Variants in NFATC1 observed in about 807,000 individuals in gnomAD.
NFATC1 encodes the protein nuclear factor of activated T cells 1.
A neutral mutation model predicts 76.0 loss-of-function variants in NFATC1; 22 were observed. The observed-to-expected ratio is 0.29, with a 90% CI of 0.21 to 0.41. The LOEUF (loss-of-function observed/expected upper bound fraction) is 0.41. Ranked by LOEUF, NFATC1 falls within the 10% of genes least tolerant of loss-of-function variation. NFATC1 has a pLI of 1.00. For missense variants in NFATC1, 1,357 were observed against 1,337.7 expected, an observed-to-expected ratio of 1.01 and a Z score of -0.23; for synonymous variants, 704 against 613.1, an observed-to-expected ratio of 1.15 and a Z score of -2.19.
chr18:79,472,113 C>T (rs1475857671), intron 8 of NFATC1, among the ~76,000 whole-genome samples: 1 of 151,886 alleles, frequency 6.6e-6, no homozygotes, highest in Admixed American at 6.6e-5. Context: ...TCCACCCCAG[C>T]GATCATCACG....
chr18:79,401,303 C>G (rs2085244535), intron 1 of NFATC1, among the ~76,000 whole-genome samples: 1 of 152,108 alleles, frequency 6.6e-6, no homozygotes. Context: ...AAGCAGGGAC[C>G]TCCGCCGAGT....
intron 9 of NFATC1, chr18:79,496,578 C>G (rs1299603832): frequency 1.3e-5 from 2 of 152,292 alleles, no homozygotes; most frequent in Non-Finnish European, 2.9e-5. Flanking sequence ...CGTTTCTGCG[C>G]ATGGACTCCT....
At chr18:79,518,248 G>A (rs1285946366) in intron 9 of NFATC1, among the ~76,000 whole-genome samples, 7 of 152,208 alleles carry the variant, frequency 4.6e-5, no homozygotes, top group East Asian at 1.9e-4. Flanking sequence ...TTTCCCGGTC[G>A]ACATTCATGG....
intron 8 of NFATC1, 137 bp from the exon 9 acceptor site, chr18:79,486,104 TAATGGGG>T: frequency 1.4e-6 from 1 of 717,430 alleles, no homozygotes; most frequent in Non-Finnish European, 2.4e-6. Flanking sequence ...CTTTTTTTTT[TAATGGGG>T]TGGGAGAACC....
At chr18:79,454,737 G>A (rs1456419123) in intron 6 of NFATC1, among the ~76,000 whole-genome samples, 1 of 152,142 alleles carries the variant, frequency 6.6e-6, no homozygotes, top group Non-Finnish European at 1.5e-5. Flanking sequence ...TGTTCTTCCA[G>A]GAGGCAGGTT....
chr18:79,459,240 C>T lies in NFATC1; in HGVS notation c.1904-2071C>T, dbSNP rs374355617. ...CTGCTGAGCTGGGCCTGGCTGGCCA[C>T]GCAGACGTGGCTCCCCTTGGGGCCG... On this transcript the variant is annotated intron_variant, in intron 6 of 9. Transcript: ENST00000427363. 2.2e-4 allele frequency among the ~76,000 whole-genome samples: 34 copies of T among 152,370 alleles called. No homozygotes were observed. In the East Asian group the frequency reaches 6.0e-3, roughly 27 times the overall value.
intron 9 of NFATC1, among the ~76,000 whole-genome samples, chr18:79,487,817 G>T (rs753903708): frequency 2.0e-5 from 3 of 152,138 alleles, no homozygotes; most frequent in Non-Finnish European, 4.4e-5. Flanking sequence ...TTGTGTGCGC[G>T]TTGTGATCGG....
At chr18:79,517,531 A>G (rs921342225) in intron 9 of NFATC1, among the ~76,000 whole-genome samples, 5 of 152,214 alleles carry the variant, frequency 3.3e-5, no homozygotes, top group Non-Finnish European at 7.3e-5. Flanking sequence ...GGACGCTGCG[A>G]CAGGAAGAGG....
intron 2 of NFATC1, among the ~76,000 whole-genome samples, chr18:79,425,289 C>T (rs1232997464): frequency 8.3e-6 from 1 of 120,746 alleles, no homozygotes; most frequent in Non-Finnish European, 1.7e-5. Context: ...GTCTGTCTTT[C>T]TTTCTTACTC....
intron 9 of NFATC1, among the ~76,000 whole-genome samples, chr18:79,510,576 T>A (rs541220442): frequency 6.6e-6 from 1 of 152,364 alleles, no homozygotes; most frequent in South Asian, 2.1e-4. Context: ...GTCTCTCTTT[T>A]ATTTCAGCGG....
chr18:79,463,920 T>C (rs564327147), intron 7 of NFATC1, among the ~76,000 whole-genome samples: 22 of 152,370 alleles, frequency 1.4e-4, no homozygotes, highest in African/African-American at 4.3e-4. Context: ...GCCGTGAGCC[T>C]TTCTGCACTG....
At chr18:79,456,762 G>A (rs1419041150) in intron 6 of NFATC1, among the ~76,000 whole-genome samples, 1 of 152,216 alleles carries the variant, frequency 6.6e-6, no homozygotes, top group Admixed American at 6.5e-5. Context: ...AGTCGTGCGG[G>A]ATGTAGGCCG....
At chr18:79,512,776 C>A (rs2090288353) in intron 9 of NFATC1, among the ~76,000 whole-genome samples, 1 of 152,242 alleles carries the variant, frequency 6.6e-6, no homozygotes, top group South Asian at 2.1e-4. Context: ...TCATCCCACT[C>A]GAGCTCTCAG....
intron 9 of NFATC1, chr18:79,493,338 C>T (rs428324): frequency 0.46 from 69,498 of 152,204 alleles, 18,119 homozygotes; most frequent in Non-Finnish European, 0.59. Context: ...GCTCGGGGCC[C>T]GCTGCGGTGC....
rs1054806211 is a variant in NFATC1, at chr18:79,528,279, G to A, written c.*702G>A. On this transcript the variant is annotated 3_prime_UTR_variant, in exon 10 of 10. Coordinates refer to ENST00000427363, the MANE Select transcript of NFATC1 (RefSeq NM_001278669.2). ...GCATCTTTGTTTTTAATCTGGCTTC[G>A]AACATAGCACAAGTAACTTGAATAG... 5 of 214,320 alleles carry A rather than the reference G, an allele frequency of 2.3e-5. No homozygotes were observed. The highest frequency in any genetic ancestry group is 9.9e-5 in the East Asian group (1 of 10,128). The allele number at this position is 214,320 out of a possible 1,614,324, so 13.3% of individuals were successfully genotyped here. A position where few individuals can be genotyped will look rare whatever the true frequency, so the allele number is the denominator to read the frequency against.
chr18:79,481,289 G>A (rs2089262623), intron 8 of NFATC1, among the ~76,000 whole-genome samples: 1 of 152,246 alleles, frequency 6.6e-6, no homozygotes, highest in African/African-American at 2.4e-5. Flanking sequence ...AAGGCAAGAC[G>A]CGTGCCCTGG....
At position 79,464,668 on chromosome 18, in the gene NFATC1, G is replaced by A. The variant is rs866347673; in HGVS notation, c.1960-2782G>A. Among the ~76,000 whole-genome samples, 236 of 117,862 alleles carry A rather than the reference G, an allele frequency of 2.0e-3. 13 individuals are homozygous for A. Among genetic ancestry groups the A allele is most frequent in the African/African-American group, 7.3e-3 (193 of 26,432 alleles). The allele number at this position is 117,862 out of a possible 152,430, so 77.3% of individuals were successfully genotyped here. ...TGTGTTTGTGTGTGTGTGTGTGTGT[G>A]TGTATATGTATGTGTATATATATAT... On this transcript the variant is annotated intron_variant, in intron 7 of 9. Transcript: ENST00000427363.
chr18:79,411,581 G>A (rs1423921937), intron 2 of NFATC1, 80 bp downstream of exon 2: 12 of 1,071,330 alleles, frequency 1.1e-5, no homozygotes, highest in African/African-American at 5.1e-5. Context: ...GGGACGGGGG[G>A]CGGCGCGGGG....
chr18:79,487,066 G>A (rs2145066401), intron 9 of NFATC1, 129 bp downstream of exon 9: 1 of 1,109,272 alleles, frequency 9.0e-7, no homozygotes, highest in Admixed American at 2.9e-5. Flanking sequence ...AGGGTGTGGG[G>A]TGCGTCCTCC....
Sources: allele counts gnomAD v4.1 joint callset (sites outside exome capture counted in the v4.1 genomes callset), GRCh38; gene constraint gnomAD v4.1.1; transcripts MANE v1.5; gene names NCBI Gene and HGNC (gene_info 2026-07-23, HGNC 2026-07-21).